ZNF395: variants seen among roughly 807,000 people sequenced by gnomAD.
ZNF395 encodes HD gene regulatory region-binding protein 2.
ZNF395 carries 20 observed loss-of-function variants against 57.7 expected under a neutral mutation model. The ratio of observed to expected loss-of-function variants is 0.35; its 90% CI spans 0.24 to 0.50. The LOEUF (loss-of-function observed/expected upper bound fraction) is 0.50, where lower values mean the gene tolerates loss of function less well. Among genes scored for constraint, ZNF395 ranks in the 20% least tolerant of loss-of-function variants. ZNF395 has a pLI of 0.97. For missense variants in ZNF395, 606 were observed against 671.2 expected (o/e 0.90, Z 1.07); for synonymous variants, 295 against 275.9 (o/e 1.07, Z -0.69).
chr8:28,348,987 T>A (rs1801643818), intron 9 of ZNF395, 138 bp downstream of exon 9: 1 of 1,140,772 alleles, frequency 8.8e-7, no homozygotes, highest in African/African-American at 1.5e-5. Flanking sequence ...CAAACAGTCA[T>A]CCCATCTGGT....
At chr8:28,374,803 C>T (rs1802020715) in intron 1 of ZNF395, among the ~76,000 whole-genome samples, 1 of 152,220 alleles carries the variant, frequency 6.6e-6, no homozygotes, top group Non-Finnish European at 1.5e-5. Flanking sequence ...CTGCAGCACT[C>T]CAACACAACA....
At chr8:28,351,037 C>A (rs922452149) in intron 7 of ZNF395, among the ~76,000 whole-genome samples, 2 of 152,122 alleles carry the variant, frequency 1.3e-5, no homozygotes, top group Non-Finnish European at 2.9e-5. Context: ...TGAACCATGC[C>A]CTCCACAAGG....
chr8:28,377,360 C>T (rs559768440), intron 1 of ZNF395, among the ~76,000 whole-genome samples: 62 of 152,234 alleles, frequency 4.1e-4, no homozygotes, highest in African/African-American at 1.4e-3. Context: ...ACCATGATTG[C>T]GCCACTGCAT....
chr8:28,377,409 AT>A (rs578253150), intron 1 of ZNF395, among the ~76,000 whole-genome samples: 1 of 152,068 alleles, frequency 6.6e-6, no homozygotes, highest in Non-Finnish European at 1.5e-5. Context: ...TCTCAAAAAA[AT>A]TTTTTTTAAT....
chr8:28,352,489 G>A lies in ZNF395; in HGVS notation c.920+84C>T. ...AGCAAGCCACGTTCCTGAAAGCACT[G>A]TGGGCTGTGGGTCACAGGGACTCGG... On this transcript the variant is annotated intron_variant, in intron 6 of 9. Transcript: ENST00000344423. The surrounding 1 kb of genome is among the most constrained non-coding windows in gnomAD (Gnocchi z 4.0). 1.6e-6 allele frequency: 2 copies of A among 1,238,022 alleles called. No homozygotes were observed. Among genetic ancestry groups the A allele is most frequent in the South Asian group, 2.5e-5 (2 of 79,372 alleles). The allele number at this position is 1,238,022 out of a possible 1,614,324, so 76.7% of individuals were successfully genotyped here.
intron 1 of ZNF395, among the ~76,000 whole-genome samples, chr8:28,371,658 A>T (rs527987466): frequency 7.2e-5 from 11 of 152,342 alleles, no homozygotes; most frequent in African/African-American, 2.6e-4. Context: ...GCAAAGAATC[A>T]AGCATGGGAT....
chr8:28,384,899 C>T lies in ZNF395; in HGVS notation c.-59+1494G>A, dbSNP rs1287772258. On this transcript the variant is annotated intron_variant, in intron 1 of 9. Coordinates refer to ENST00000344423, the MANE Select transcript of ZNF395 (RefSeq NM_018660.3). The stretch of plus-strand genomic sequence containing the variant: ...AGCCTGGGGTCTCTTCGGTGCCTCT[C>T]CCACCTCCCAGAGGGCCTGGCACCG... Among the ~76,000 whole-genome samples the T allele has an allele frequency of 3.3e-5, 5 of 152,242 alleles. No individual in the cohort carries two copies. The East Asian group carries it at 9.6e-4, about 29-fold the overall frequency.
Position 28,359,466 on chromosome 8 carries a change from T to C in ZNF395, c.473+126A>G, listed in dbSNP as rs1801821566. On this transcript the variant is annotated intron_variant, in intron 3 of 9. Transcript: ENST00000344423. The surrounding 1 kb of genome is among the most constrained non-coding windows in gnomAD (Gnocchi z 4.7). ...AGATTCCCCTTTTCTGTGTCCCATT[T>C]GTCCCAATATCTTGGCACCCAGATG... is the stretch of plus-strand genomic sequence containing the variant. The C allele has an allele frequency of 1.5e-6, 2 of 1,329,018 alleles. No homozygotes were observed. The highest frequency in any genetic ancestry group is 2.0e-6 in the Non-Finnish European group (2 of 985,962). 82.3% of individuals were successfully genotyped at this position (1,329,018 alleles called of 1,614,324 possible). A position where few individuals can be genotyped will look rare whatever the true frequency, so the allele number is the denominator to read the frequency against.
intron 1 of ZNF395, chr8:28,385,309 C>T (rs1802158872): frequency 6.6e-6 from 1 of 152,416 alleles, no homozygotes. Flanking sequence ...GAGTCAGTTC[C>T]AAAGTGAAGG....
At chr8:28,355,253 C>T (rs369612069) in intron 4 of ZNF395, among the ~76,000 whole-genome samples, 1 of 152,160 alleles carries the variant, frequency 6.6e-6, no homozygotes, top group African/African-American at 2.4e-5. Flanking sequence ...CCTAACCACA[C>T]AGAAACCAAA....
At chr8:28,372,372 C>A (rs534682825) in intron 1 of ZNF395, among the ~76,000 whole-genome samples, 2 of 152,298 alleles carry the variant, frequency 1.3e-5, no homozygotes, top group East Asian at 3.9e-4. Flanking sequence ...AAAGTAGACA[C>A]CAAATCCCGG....
At chr8:28,360,824 C>G in intron 2 of ZNF395, 61 bp downstream of exon 2, 2 of 1,587,942 alleles carry the variant, frequency 1.3e-6, no homozygotes, top group Non-Finnish European at 1.7e-6. Flanking sequence ...ACTAGGGCAC[C>G]CCAGCCCCCT....
At chr8:28,378,696 T>C (rs1802075197) in intron 1 of ZNF395, among the ~76,000 whole-genome samples, 1 of 152,200 alleles carries the variant, frequency 6.6e-6, no homozygotes, top group African/African-American at 2.4e-5. Context: ...TCTATGTGTC[T>C]TTCGGCTTTG....
At chr8:28,374,081 C>T (rs1180958263) in intron 1 of ZNF395, among the ~76,000 whole-genome samples, 1 of 152,168 alleles carries the variant, frequency 6.6e-6, no homozygotes, top group Admixed American at 6.6e-5. Context: ...CTGAAGTGCC[C>T]ATGAATTAGG....
In ZNF395 at chr8:28,370,007, G is replaced by A. The variant is rs185886522; in HGVS notation, c.-58-8825C>T. Among the ~76,000 whole-genome samples the A allele has an allele frequency of 1.4e-4, 22 of 152,304 alleles. 1 individual carries two copies. The East Asian group carries it at 2.1e-3, about 15-fold the overall frequency. ...CTCTGAAGCTACATTTATGTACTGT[G>A]TTGTATAATGAGATGAATGAATGAA... On this transcript the variant is annotated intron_variant, in intron 1 of 9. Transcript: ENST00000344423.
chr8:28,356,856 C>T lies in ZNF395; in HGVS notation c.474-77G>A. 2.5e-6 allele frequency: 3 copies of T among 1,179,528 alleles called. No homozygotes were observed. The highest frequency in any genetic ancestry group is 1.5e-5 in the African/African-American group (1 of 65,828). 73.1% of individuals were successfully genotyped at this position (1,179,528 alleles called of 1,614,324 possible). The stretch of plus-strand genomic sequence containing the variant: ...ATGGTCCTTGCAAAACGAGACACCA[C>T]TTCTGGCTGGTTTCACACAATCATC... On this transcript the variant is annotated intron_variant, in intron 3 of 9. Transcript: ENST00000344423. This position sits in a 1 kb window ranked among gnomAD's most constrained non-coding sequence, Gnocchi z 4.0.
At chr8:28,374,037 T>C (rs1585863194) in intron 1 of ZNF395, among the ~76,000 whole-genome samples, 2 of 152,296 alleles carry the variant, frequency 1.3e-5, no homozygotes, top group African/African-American at 4.8e-5. Flanking sequence ...TTTTTTGGTA[T>C]CAGCGTTTTT....
chr8:28,348,835 A>G lies in ZNF395; in HGVS notation c.1431-5T>C, dbSNP rs374716816. 5.0e-6 allele frequency: 8 copies of G among 1,613,590 alleles called. No homozygotes were observed. Among genetic ancestry groups the G allele is most frequent in the Non-Finnish European group, 6.8e-6 (8 of 1,179,784 alleles). ...TTAGCCTCCCCTCGGGCTTTCCTGCAGAAAGAGAGGAATGCAAATCGAGCC... is the reference window on the plus strand; with the variant it reads ...TTAGCCTCCCCTCGGGCTTTCCTGCGGAAAGAGAGGAATGCAAATCGAGCC... On this transcript the variant is annotated splice_region_variant and splice_polypyrimidine_tract_variant and intron_variant, in intron 9 of 9. Transcript: ENST00000344423.
intron 2 of ZNF395, among the ~76,000 whole-genome samples, chr8:28,360,460 G>A (rs902867139): frequency 7.2e-5 from 11 of 152,218 alleles, no homozygotes; most frequent in Non-Finnish European, 1.5e-4. Context: ...AATCCACACC[G>A]AATCCAACTA....
Sources: allele counts gnomAD v4.1 joint callset (sites outside exome capture counted in the v4.1 genomes callset), GRCh38; gene constraint gnomAD v4.1.1; non-coding constraint Gnocchi (gnomAD v3.1); transcripts MANE v1.5; gene names NCBI Gene and HGNC (gene_info 2026-07-23, HGNC 2026-07-21).